TTC29: variants seen among roughly 807,000 people sequenced by gnomAD.
TTC29 encodes the protein tetratricopeptide repeat domain 29, also known as tetratricopeptide repeat protein 29.
Under a neutral mutation model 58.1 loss-of-function variants are expected in TTC29, and 49 were observed. The ratio of observed to expected loss-of-function variants is 0.84; its 90% CI spans 0.67 to 1.07. The LOEUF is 1.07. Ranked by LOEUF, TTC29 falls within the 50% of genes least tolerant of loss-of-function variation. The pLI is 0.00. For missense variants in TTC29, 582 were observed against 555.6 expected, an observed-to-expected ratio of 1.05 and a Z score of -0.48; for synonymous variants, 209 against 196.8, an observed-to-expected ratio of 1.06 and a Z score of -0.52.
At chr4:146,871,174 T>G (rs1730904263) in intron 7 of TTC29, among the ~76,000 whole-genome samples, 1 of 151,926 alleles carries the variant, frequency 6.6e-6, no homozygotes, top group Admixed American at 6.6e-5. Flanking sequence ...GCAAGGTTGG[T>G]TCAACATATG....
chr4:146,932,634 G>A (rs898403383), intron 4 of TTC29, among the ~76,000 whole-genome samples: 34 of 152,114 alleles, frequency 2.2e-4, no homozygotes, highest in Middle Eastern at 3.4e-3. Context: ...AGCATCTTTG[G>A]ACAAAAATTT....
At chr4:146,722,100 C>T (rs1743404547) in intron 11 of TTC29, among the ~76,000 whole-genome samples, 1 of 151,880 alleles carries the variant, frequency 6.6e-6, no homozygotes, top group Non-Finnish European at 1.5e-5. Flanking sequence ...CCTAGGAATA[C>T]ATCTAACCAA....
intron 8 of TTC29, among the ~76,000 whole-genome samples, chr4:146,843,108 C>T (rs1728949169): frequency 6.6e-6 from 1 of 152,106 alleles, no homozygotes; most frequent in Admixed American, 6.6e-5. Context: ...GCAGCCATAG[C>T]ATTCAGGGAT....
chr4:146,861,835 G>A (rs916852583), intron 8 of TTC29, among the ~76,000 whole-genome samples: 1 of 151,960 alleles, frequency 6.6e-6, no homozygotes, highest in Non-Finnish European at 1.5e-5. Flanking sequence ...TTGGAAGGGA[G>A]AAAATTATGA....
intron 8 of TTC29, among the ~76,000 whole-genome samples, chr4:146,853,592 G>A (rs893687772): frequency 2.0e-5 from 3 of 151,664 alleles, no homozygotes; most frequent in African/African-American, 4.8e-5. Flanking sequence ...GCTAGATCTC[G>A]GTATATATTA....
At chr4:146,807,383 T>C (rs1750690063) in intron 10 of TTC29, among the ~76,000 whole-genome samples, 1 of 151,772 alleles carries the variant, frequency 6.6e-6, no homozygotes, top group South Asian at 2.1e-4. Flanking sequence ...AAGAAATAAA[T>C]AAGATCAGAG....
chr4:146,723,986 A>C (rs567223920), intron 11 of TTC29, among the ~76,000 whole-genome samples: 1 of 152,328 alleles, frequency 6.6e-6, no homozygotes, highest in South Asian at 2.1e-4. Flanking sequence ...GTTTCCCATC[A>C]ATGGTGGACC....
intron 4 of TTC29, among the ~76,000 whole-genome samples, chr4:146,922,094 T>C (rs2150305494): frequency 6.6e-6 from 1 of 150,942 alleles, no homozygotes; most frequent in South Asian, 2.1e-4. Flanking sequence ...AATTTATTTT[T>C]TGCTTAAATG....
chr4:146,927,359 A>G (rs1371594585), intron 4 of TTC29, among the ~76,000 whole-genome samples: 1 of 152,200 alleles, frequency 6.6e-6, no homozygotes, highest in Non-Finnish European at 1.5e-5. Flanking sequence ...ACTGGAGACC[A>G]GAGAGTATGG....
At chr4:146,801,644 A>AT (rs1491476819) in intron 11 of TTC29, among the ~76,000 whole-genome samples, 1 of 152,162 alleles carries the variant, frequency 6.6e-6, no homozygotes, top group African/African-American at 2.4e-5. Context: ...GAAATAAAAC[A>AT]TAAAAAGTAT....
At chr4:146,728,680 G>T (rs1743981336) in intron 11 of TTC29, among the ~76,000 whole-genome samples, 1 of 145,818 alleles carries the variant, frequency 6.9e-6, no homozygotes, top group African/African-American at 2.5e-5. Flanking sequence ...ACACATATAT[G>T]ATTATATATA....
At chr4:146,927,469 T>G (rs1027149255) in intron 4 of TTC29, among the ~76,000 whole-genome samples, 1 of 152,164 alleles carries the variant, frequency 6.6e-6, no homozygotes, top group East Asian at 1.9e-4. Context: ...GTCTACACTC[T>G]CTTTCCATTT....
At chr4:146,709,747 A>G (rs1039188573) in intron 11 of TTC29, among the ~76,000 whole-genome samples, 3 of 152,064 alleles carry the variant, frequency 2.0e-5, no homozygotes, top group East Asian at 3.9e-4. Flanking sequence ...CAAACCTCCC[A>G]ACCTCCACTT....
intron 11 of TTC29, among the ~76,000 whole-genome samples, chr4:146,766,815 C>T (rs1294898884): frequency 2.0e-5 from 3 of 151,968 alleles, no homozygotes; most frequent in Admixed American, 2.0e-4. Context: ...GTTAGAAGGG[C>T]TTGTAACAGG....
At chr4:146,722,432 G>C (rs1326520442) in intron 11 of TTC29, among the ~76,000 whole-genome samples, 2 of 152,032 alleles carry the variant, frequency 1.3e-5, no homozygotes, top group African/African-American at 4.8e-5. Context: ...ATACCATAAG[G>C]CCACAGTAAA....
At chr4:146,843,164 A>T (rs1728953474) in intron 8 of TTC29, among the ~76,000 whole-genome samples, 1 of 152,116 alleles carries the variant, frequency 6.6e-6, no homozygotes, top group East Asian at 1.9e-4. Flanking sequence ...GATAATACAC[A>T]TGAAGGCAAA....
chr4:146,755,245 C>T (rs1746352902), intron 11 of TTC29, among the ~76,000 whole-genome samples: 1 of 152,112 alleles, frequency 6.6e-6, no homozygotes, highest in Non-Finnish European at 1.5e-5. Context: ...AATGGGAAGA[C>T]ACCTGTCCTC....
intron 8 of TTC29, among the ~76,000 whole-genome samples, chr4:146,846,583 C>A (rs1729186512): frequency 6.6e-6 from 1 of 152,224 alleles, no homozygotes; most frequent in African/African-American, 2.4e-5. Context: ...GGCCACCTAA[C>A]CTTCTTCCTT....
chr4:146,805,508 C>T (rs1750538067), intron 10 of TTC29, among the ~76,000 whole-genome samples: 1 of 151,810 alleles, frequency 6.6e-6, no homozygotes, highest in African/African-American at 2.4e-5. Context: ...TAGATGAATT[C>T]CTATCTAAAA....
Sources: gnomAD v4.1 joint callset for allele counts (sites outside exome capture counted in the v4.1 genomes callset) on GRCh38, gnomAD v4.1.1 for gene constraint, MANE v1.5 for transcripts, NCBI Gene and HGNC (gene_info 2026-07-23, HGNC 2026-07-21) for gene names.